The following DPH6 variants were observed in gnomAD, a reference collection of about 807,000 sequenced individuals.
DPH6 encodes diphthine--ammonia ligase.
DPH6 carries 33 observed loss-of-function variants against 38.2 expected under a neutral mutation model. The observed-to-expected ratio is 0.86, with a 90% CI of 0.65 to 1.15. The LOEUF (loss-of-function observed/expected upper bound fraction) is 1.15. Among genes scored for constraint, DPH6 ranks in the 50% most tolerant of loss-of-function variants. DPH6 has a pLI of 0.00. For missense variants in DPH6, 325 were observed against 320.0 expected (o/e 1.02, Z -0.12); for synonymous variants, 108 against 103.0 (o/e 1.05, Z -0.30).
chr15:35,428,795 C>T (rs2053599516), intron 5 of DPH6, among the ~76,000 whole-genome samples: 1 of 151,988 alleles, frequency 6.6e-6, no homozygotes. Flanking sequence ...CTTTAAATAG[C>T]CCTCATATGG....
chr15:35,261,732 C>T (rs1032105548), intron 3 of DPH6, among the ~76,000 whole-genome samples: 9 of 151,400 alleles, frequency 5.9e-5, no homozygotes, highest in Non-Finnish European at 1.0e-4. Context: ...ACTTGAGAGG[C>T]GAAGGTGGAA....
At chr15:35,448,572 A>T (rs905616579) in intron 5 of DPH6, among the ~76,000 whole-genome samples, 1 of 152,158 alleles carries the variant, frequency 6.6e-6, no homozygotes, top group African/African-American at 2.4e-5. Context: ...GGGATAGAAA[A>T]TGTGTAAGAT....
chr15:35,430,091 T>G (rs1031722619), intron 5 of DPH6, among the ~76,000 whole-genome samples: 1 of 152,174 alleles, frequency 6.6e-6, no homozygotes, highest in Non-Finnish European at 1.5e-5. Flanking sequence ...AAAATGATAT[T>G]GACCTGTTCA....
chr15:35,195,727 C>T, the DPH6 span, among the ~76,000 whole-genome samples: 2 of 152,176 alleles, frequency 1.3e-5, no homozygotes, highest in Admixed American at 6.5e-5. Context: ...AAGACCCATC[C>T]GTGTAGCAAC....
intron 3 of DPH6, among the ~76,000 whole-genome samples, chr15:35,458,260 T>C (rs1180423541): frequency 6.6e-6 from 1 of 152,156 alleles, no homozygotes; most frequent in Non-Finnish European, 1.5e-5. Flanking sequence ...AACCTAACTC[T>C]TTCATTTTGA....
At chr15:35,165,245 T>C in the DPH6 span, among the ~76,000 whole-genome samples, 1 of 151,904 alleles carries the variant, frequency 6.6e-6, no homozygotes, top group Admixed American at 6.6e-5. Context: ...GATTTTGCCT[T>C]ATTAATCTAT....
At position 35,416,717 on chromosome 15, in the gene DPH6, C is replaced by T. The variant is rs2053440726; in HGVS notation, c.506-5821G>A. ...TTTATCTGAGCACAGTCTGCCTTTGCTTCAATTTTTCTGTTCATTAGAAAG... is the reference window on the plus strand; with the variant it reads ...TTTATCTGAGCACAGTCTGCCTTTGTTTCAATTTTTCTGTTCATTAGAAAG... On this transcript the variant is annotated intron_variant, in intron 5 of 8. Coordinates refer to ENST00000256538, the MANE Select transcript of DPH6 (RefSeq NM_080650.4). Among the ~76,000 whole-genome samples, 6 of 152,126 alleles carry T rather than the reference C, an allele frequency of 3.9e-5. No homozygotes were observed. In the South Asian group the frequency reaches 1.2e-3, roughly 32 times the overall value.
At position 35,242,357 on chromosome 15, in the gene DPH6, C is replaced by CTAT. The variant is rs1247133285; in HGVS notation, n.201-21778_201-21776dup. 1.1e-4 allele frequency among the ~76,000 whole-genome samples: 15 copies of CTAT among 142,496 alleles called. 3 individuals carry two copies. Among genetic ancestry groups the CTAT allele is most frequent in the Admixed American group, 3.0e-4 (4 of 13,130 alleles). The allele number at this position is 142,496 out of a possible 152,430, so 93.5% of individuals were successfully genotyped here. On this transcript the variant is annotated intron_variant and non_coding_transcript_variant, in intron 3 of 3. Transcript: ENST00000560386. ...CTTACACAAGAGCCAGGACCGCACC[C>CTAT]TATAGCCTTTCTGTCCAAACAACTT...
chr15:35,401,658 A>G, intron 6 of DPH6: 5 of 750,796 alleles, frequency 6.7e-6, no homozygotes, highest in Non-Finnish European at 1.2e-5. Flanking sequence ...TGGAGGCAGA[A>G]ACTCTGGCTC....
At chr15:35,263,494 C>T (rs1358288855) in intron 3 of DPH6, among the ~76,000 whole-genome samples, 5 of 149,314 alleles carry the variant, frequency 3.3e-5, no homozygotes, top group African/African-American at 5.0e-5. Flanking sequence ...CAGTCTAGCC[C>T]TGGACTCAAG....
intron 2 of DPH6, among the ~76,000 whole-genome samples, chr15:35,541,206 C>A (rs993668691): frequency 1.3e-5 from 2 of 152,102 alleles, no homozygotes; most frequent in Admixed American, 6.5e-5. Flanking sequence ...TATTTCTAAA[C>A]TCTGTCTTTC....
In DPH6 at chr15:35,504,846, A is replaced by G. The variant is rs546713756; in HGVS notation, c.312+33428T>C. On this transcript the variant is annotated intron_variant, in intron 3 of 8. Transcript: ENST00000256538. ...TCTTTCTTGAAGTGCCAGTGAACAA[A>G]GAACTCTAGCCTACACAAGCAATCT... Among the ~76,000 whole-genome samples the G allele has an allele frequency of 9.1e-4, 139 of 152,260 alleles. 1 individual carries two copies. Among genetic ancestry groups the G allele is most frequent in the Admixed American group, 2.9e-3 (45 of 15,264 alleles).
intron 3 of DPH6, among the ~76,000 whole-genome samples, chr15:35,511,534 T>C (rs1595431529): frequency 6.6e-6 from 1 of 152,206 alleles, no homozygotes; most frequent in African/African-American, 2.4e-5. Flanking sequence ...AATATGTACA[T>C]GTGTTTATAG....
chr15:35,176,816 G>A, the DPH6 span, among the ~76,000 whole-genome samples: 1 of 152,170 alleles, frequency 6.6e-6, no homozygotes, highest in African/African-American at 2.4e-5. Context: ...TTATTTAATA[G>A]TCTTAATTGC....
intron 6 of DPH6, among the ~76,000 whole-genome samples, chr15:35,383,528 CT>C (rs2140942578): frequency 6.6e-6 from 1 of 152,330 alleles, no homozygotes; most frequent in East Asian, 1.9e-4. Context: ...ATACTGTACT[CT>C]GTATTTTAAC....
chr15:35,512,128 T>C (rs1252013484), intron 3 of DPH6, among the ~76,000 whole-genome samples: 1 of 152,142 alleles, frequency 6.6e-6, no homozygotes, highest in Non-Finnish European at 1.5e-5. Context: ...GCAGTAATAA[T>C]TTTCATAAAG....
rs114386643 is a variant in DPH6 at position 35,403,476 on chromosome 15, T to C, written c.567+7359A>G. On this transcript the variant is annotated intron_variant, in intron 6 of 8. Coordinates refer to ENST00000256538, the MANE Select transcript of DPH6 (RefSeq NM_080650.4). ...ATTATTATTGACTATAGGCCCCCTGTTGTGCTATCAAACACTAGGTCTTAT... is the reference window on the plus strand; with the variant it reads ...ATTATTATTGACTATAGGCCCCCTGCTGTGCTATCAAACACTAGGTCTTAT... 8.3e-3 allele frequency among the ~76,000 whole-genome samples: 1,262 copies of C among 152,148 alleles called. 22 individuals carry two copies. The highest frequency in any genetic ancestry group is 0.029 in the African/African-American group (1,203 of 41,526).
chr15:35,410,425 G>A (rs542573492), intron 6 of DPH6, among the ~76,000 whole-genome samples: 1 of 151,726 alleles, frequency 6.6e-6, no homozygotes, highest in Non-Finnish European at 1.5e-5. Flanking sequence ...TTACTATGCT[G>A]CAAGTTAATT....
chr15:35,542,268 T>C (rs2141569776), intron 2 of DPH6, 145 bp downstream of exon 2: 1 of 587,908 alleles, frequency 1.7e-6, no homozygotes, highest in East Asian at 2.8e-5. Context: ...TAATGCTAAG[T>C]TCTAGGTGGA....
Sources: gnomAD v4.1 joint callset for allele counts (sites outside exome capture counted in the v4.1 genomes callset) on GRCh38, gnomAD v4.1.1 for gene constraint, MANE v1.5 for transcripts, NCBI Gene and HGNC (gene_info 2026-07-23, HGNC 2026-07-21) for gene names.